Variants in CYFIP1 observed in about 807,000 individuals in gnomAD.
The protein encoded by CYFIP1 is cytoplasmic FMR1-interacting protein 1.
Under a neutral mutation model 163.5 loss-of-function variants are expected in CYFIP1, and 58 were observed. The observed-to-expected ratio is 0.35, with a 90% CI of 0.29 to 0.44. CYFIP1 has a LOEUF of 0.44. Ranked by LOEUF, CYFIP1 falls within the 20% of genes least tolerant of loss-of-function variation. The pLI, the probability that CYFIP1 is intolerant of heterozygous loss-of-function variation, is 1.00. For missense variants in CYFIP1, 1,338 were observed against 1,653.8 expected (o/e 0.81, Z 3.31); for synonymous variants, 663 against 660.7 (o/e 1.00, Z -0.05).
chr15:22,957,195 A>C (rs533700377), intron 1 of CYFIP1, among the ~76,000 whole-genome samples: 18 of 152,342 alleles, frequency 1.2e-4, no homozygotes, highest in African/African-American at 4.3e-4. Context: ...TTTCTAAACC[A>C]GTCATTTAAA....
chr15:22,950,767 G>A (rs539208935), intron 1 of CYFIP1, among the ~76,000 whole-genome samples: 6 of 152,294 alleles, frequency 3.9e-5, no homozygotes, highest in African/African-American at 7.2e-5. Flanking sequence ...CACAGTAGCC[G>A]GCTGGGTCGC....
chr15:22,933,961 A>T, intron 9 of CYFIP1, 68 bp from the exon 10 acceptor site: 1 of 1,099,584 alleles, frequency 9.1e-7, no homozygotes, highest in Non-Finnish European at 1.4e-6. Flanking sequence ...AAGCACAAGG[A>T]AACTGACTAA....
At chr15:22,961,713 G>C (rs988591549) in intron 1 of CYFIP1, among the ~76,000 whole-genome samples, 1 of 152,028 alleles carries the variant, frequency 6.6e-6, no homozygotes, top group South Asian at 2.1e-4. Context: ...GCCAGCTTGG[G>C]TTGTTTGCCT....
chr15:22,886,969 G>A (rs1169426817), intron 23 of CYFIP1, among the ~76,000 whole-genome samples: 34 of 152,148 alleles, frequency 2.2e-4, no homozygotes, highest in South Asian at 2.1e-4. Context: ...GTTGTTTGAC[G>A]CATAAACATC....
intron 1 of CYFIP1, among the ~76,000 whole-genome samples, chr15:22,953,452 C>T (rs563467210): frequency 2.6e-5 from 4 of 152,224 alleles, no homozygotes; most frequent in South Asian, 4.1e-4. Context: ...GGATTTTTTC[C>T]GGCCCTCCTT....
chr15:22,938,610 TA>T (rs530408354), intron 8 of CYFIP1, among the ~76,000 whole-genome samples: 7 of 145,752 alleles, frequency 4.8e-5, no homozygotes, highest in East Asian at 2.0e-4. Flanking sequence ...GTCTCAAAAA[TA>T]AAAAAAAAAT....
intron 17 of CYFIP1, 103 bp from the exon 18 acceptor site, chr15:22,912,378 A>C: frequency 4.6e-5 from 39 of 843,430 alleles, no homozygotes; most frequent in Non-Finnish European, 6.6e-5. Context: ...TCCACCTCTC[A>C]CGTAAGGAAA....
In CYFIP1 at chr15:22,870,007, T is replaced by G. The variant is rs1399913371; in HGVS notation, c.*21A>C. 1.3e-6 allele frequency: 2 copies of G among 1,558,640 alleles called. No homozygotes were observed. Among genetic ancestry groups the G allele is most frequent in the Non-Finnish European group, 1.7e-6 (2 of 1,158,430 alleles). On this transcript the variant is annotated 3_prime_UTR_variant, in exon 31 of 31. Transcript: ENST00000617928. The stretch of plus-strand genomic sequence containing the variant: ...GAGAGAAAGGCATGCCATGTTGAGT[T>G]ACGGAGTGCAGCGCGTGCCCTCAGC...
At chr15:22,948,826 T>C (rs1483739371) in intron 1 of CYFIP1, among the ~76,000 whole-genome samples, 2 of 125,498 alleles carry the variant, frequency 1.6e-5, no homozygotes, top group African/African-American at 3.1e-5. Context: ...AAAAAAAACC[T>C]CAGGAAAGAT....
At chr15:22,968,897 C>T (rs1382642961) in intron 1 of CYFIP1, among the ~76,000 whole-genome samples, 1 of 152,144 alleles carries the variant, frequency 6.6e-6, no homozygotes, top group Non-Finnish European at 1.5e-5. Flanking sequence ...GAGCTTTGGA[C>T]AGGGATTCAA....
Position 22,916,557 on chromosome 15 carries a change from C to T in CYFIP1, c.1748G>A (p.Ser583Asn). 1.2e-6 allele frequency: 2 copies of T among 1,614,108 alleles called. No individual in the cohort carries two copies. Among genetic ancestry groups the T allele is most frequent in the Non-Finnish European group, 1.7e-6 (2 of 1,180,008 alleles). Residue 583 changes from serine (S) to asparagine (N), a missense_variant, in exon 16 of 31, where the codon AGC becomes AAC. Around this residue, in one of 4 missense-constraint regions of CYFIP1, gnomAD observed 824 missense variants for 995.7 expected, o/e 0.83. Transcript: ENST00000617928. Reference protein sequence around the residue: ...KSGSKKTLRSSLEGPTILDIE... With the variant: ...KSGSKKTLRSNLEGPTILDIE... The stretch of plus-strand genomic sequence containing the variant: ...GTCCAATATGGTGGGCCCCTCAAGG[C>T]TACTTCTCAAGGTTTTCTTGGAACC...
At chr15:22,971,823 C>T (rs189777344) in intron 1 of CYFIP1, among the ~76,000 whole-genome samples, 150 of 152,114 alleles carry the variant, frequency 9.9e-4, no homozygotes, top group Non-Finnish European at 1.8e-3. Flanking sequence ...TGAGCCATGA[C>T]TGCACCACTG....
At chr15:22,956,097 C>G (rs1309656566) in intron 1 of CYFIP1, among the ~76,000 whole-genome samples, 1 of 152,058 alleles carries the variant, frequency 6.6e-6, no homozygotes, top group East Asian at 1.9e-4. Context: ...ATCCCAGCTA[C>G]TTGGGAAACT....
At chr15:22,907,774 T>A (rs1273089979) in intron 21 of CYFIP1, among the ~76,000 whole-genome samples, 4 of 152,184 alleles carry the variant, frequency 2.6e-5, no homozygotes, top group African/African-American at 9.7e-5. Context: ...TCCACAGAGC[T>A]GTGGTTCGGG....
At chr15:22,945,482 C>T (rs2062027333) in intron 3 of CYFIP1, among the ~76,000 whole-genome samples, 1 of 152,200 alleles carries the variant, frequency 6.6e-6, no homozygotes, top group Non-Finnish European at 1.5e-5. Flanking sequence ...TGTAAAACTG[C>T]TTTTGCTTTC....
intron 6 of CYFIP1, among the ~76,000 whole-genome samples, chr15:22,942,297 G>T (rs2061913959): frequency 6.6e-6 from 1 of 152,186 alleles, no homozygotes; most frequent in Non-Finnish European, 1.5e-5. Context: ...GCAAAGTAAG[G>T]TCTCTTCGAA....
rs1286069332 is a variant in CYFIP1 at position 22,930,398 on chromosome 15, A to G, written c.1110+1825T>C. ...AAGACTCCGTCTCACCCAAAAAAAA[A>G]AAAAAAAAAAAAAACTGTACTCCGA... is the stretch of plus-strand genomic sequence containing the variant. On this transcript the variant is annotated intron_variant, in intron 11 of 30. Coordinates refer to ENST00000617928, the MANE Select transcript of CYFIP1 (RefSeq NM_014608.6). Among the ~76,000 whole-genome samples, 32 of 151,492 alleles carry G rather than the reference A, an allele frequency of 2.1e-4. No homozygotes were observed. The South Asian group carries it at 4.6e-3, about 22-fold the overall frequency.
rs2062002879 is a variant in CYFIP1, at chr15:22,944,785, T to C, written c.285+77A>G. 3.2e-6 allele frequency: 5 copies of C among 1,542,884 alleles called. No individual in the cohort carries two copies. The African/African-American group carries it at 6.8e-5, about 21-fold the overall frequency. ...AACTGGGAGGAGAGTGGGCCAGGCA[T>C]GGCAGGGGCAGGGGTGTGGTGTGGC... On this transcript the variant is annotated intron_variant, in intron 4 of 30. Transcript: ENST00000617928.
intron 1 of CYFIP1, among the ~76,000 whole-genome samples, chr15:22,952,790 A>T (rs925448555): frequency 3.3e-5 from 5 of 152,144 alleles, no homozygotes; most frequent in Non-Finnish European, 7.4e-5. Context: ...AAAACCTATC[A>T]TCAATCATCC....
Sources: allele counts gnomAD v4.1 joint callset (sites outside exome capture counted in the v4.1 genomes callset), GRCh38; gene constraint gnomAD v4.1.1; regional missense constraint gnomAD v4.1.1; transcripts MANE v1.5; gene names NCBI Gene and HGNC (gene_info 2026-07-23, HGNC 2026-07-21).